HMGCS1: variants seen among roughly 807,000 people sequenced by gnomAD.
HMGCS1 encodes 3-hydroxy-3-methylglutaryl-CoA synthase 1.
A neutral mutation model predicts 52.3 loss-of-function variants in HMGCS1; 9 were observed. The ratio of observed to expected loss-of-function variants is 0.17; its 90% confidence interval spans 0.10 to 0.30. The LOEUF (loss-of-function observed/expected upper bound fraction) is 0.30, where lower values mean the gene tolerates loss of function less well. Ranked by LOEUF, HMGCS1 falls within the 10% of genes least tolerant of loss-of-function variation. HMGCS1 has a pLI of 1.00. For synonymous variants in HMGCS1, 176 were observed against 214.4 expected (o/e 0.82, Z 1.57); for missense variants, 320 against 620.9 (o/e 0.52, Z 5.15).
chr5:43,298,496 G>A lies in HMGCS1; in HGVS notation c.448+22C>T, dbSNP rs200784794. ...TTAGAAAAAAATTTTGGGGGACGGCGGGGAATAGGCATGTAACATACCATC... is the reference window on the plus strand; with the variant it reads ...TTAGAAAAAAATTTTGGGGGACGGCAGGGAATAGGCATGTAACATACCATC... On this transcript the variant is annotated intron_variant, in intron 3 of 10. Coordinates refer to ENST00000325110, the MANE Select transcript of HMGCS1 (RefSeq NM_001098272.3). The surrounding 1 kb of genome is among the most constrained non-coding windows in gnomAD (Gnocchi z 5.6). 39 of 1,578,860 alleles carry A rather than the reference G, an allele frequency of 2.5e-5. 1 individual carries two copies. Among genetic ancestry groups the A allele is most frequent in the African/African-American group, 1.8e-4 (13 of 73,698 alleles).
In HMGCS1 at chr5:43,292,463, C is replaced by CT; in HGVS notation, c.1473+10dup. 3 of 1,611,846 alleles carry CT rather than the reference C, an allele frequency of 1.9e-6. No individual in the cohort carries two copies. Among genetic ancestry groups the CT allele is most frequent in the Non-Finnish European group, 2.5e-6 (3 of 1,178,218 alleles). ...ACCCTAAGATATGGAGATGGGAACT[C>CT]TTTTATTTACCTCAGTTGCTATGTT... On this transcript the variant is annotated intron_variant, in intron 10 of 10. Transcript: ENST00000325110.
At chr5:43,291,325 T>C (rs1046477691) in intron 10 of HMGCS1, 105 bp from the exon 11 acceptor site, 5 of 736,844 alleles carry the variant, frequency 6.8e-6, no homozygotes, top group Non-Finnish European at 9.8e-6. Flanking sequence ...AGGACAACTC[T>C]GGAGAAGTTT....
intron 8 of HMGCS1, 21 bp from the exon 9 acceptor site, chr5:43,292,994 A>G (rs755936376): frequency 6.4e-7 from 1 of 1,558,554 alleles, no homozygotes. Context: ...GAATAATTCA[A>G]CATTAAAAGA....
intron 8 of HMGCS1, among the ~76,000 whole-genome samples, chr5:43,293,543 T>C (rs1753881873): frequency 6.8e-6 from 1 of 146,644 alleles, no homozygotes; most frequent in African/African-American, 2.6e-5. Flanking sequence ...CTATCCTTTA[T>C]CCAGATAAGG....
At chr5:43,299,292 A>G (rs149203016) in intron 2 of HMGCS1, among the ~76,000 whole-genome samples, 9 of 152,344 alleles carry the variant, frequency 5.9e-5, no homozygotes, top group Admixed American at 3.9e-4. Flanking sequence ...GAACTGTAAG[A>G]TAAAATACAA....
chr5:43,291,307 C>T (rs1753755143), intron 10 of HMGCS1, 87 bp from the exon 11 acceptor site: 1 of 832,888 alleles, frequency 1.2e-6, no homozygotes, highest in Non-Finnish European at 2.1e-6. Flanking sequence ...TGTAAAGAAA[C>T]TTAATAAAGG....
chr5:43,291,079 A>ACCCCCACCCCCAGCCC lies in HMGCS1; in HGVS notation c.*51_*52insGGGCTGGGGGTGGGGG. On this transcript the variant is annotated 3_prime_UTR_variant, in exon 11 of 11. Transcript: ENST00000325110. ...ATCCCATTCCTCCAACTGTTCCCAT[A>ACCCCCACCCCCAGCCC]CCCCCACCCCATGCCCACCCCACCC... 9.0e-6 allele frequency: 7 copies of ACCCCCACCCCCAGCCC among 780,068 alleles called. No individual in the cohort carries two copies. Among genetic ancestry groups the ACCCCCACCCCCAGCCC allele is most frequent in the Non-Finnish European group, 1.6e-5 (7 of 430,594 alleles). 48.3% of individuals were successfully genotyped at this position (780,068 alleles called of 1,614,324 possible). A position where few individuals can be genotyped will look rare whatever the true frequency, so the allele number is the denominator to read the frequency against.
chr5:43,305,230 C>T (rs1754508282), intron 2 of HMGCS1, among the ~76,000 whole-genome samples: 1 of 152,098 alleles, frequency 6.6e-6, no homozygotes, highest in Admixed American at 6.5e-5. Flanking sequence ...AAGTGATCCA[C>T]CCGCCTCGGC....
intron 2 of HMGCS1, among the ~76,000 whole-genome samples, chr5:43,302,761 T>C (rs1364341493): frequency 1.3e-5 from 2 of 152,224 alleles, no homozygotes; most frequent in Admixed American, 1.3e-4. Context: ...GCAGTCAAAG[T>C]AGGCTGGCTT....
At chr5:43,312,616 A>G (rs1754925557) in intron 1 of HMGCS1, among the ~76,000 whole-genome samples, 1 of 152,168 alleles carries the variant, frequency 6.6e-6, no homozygotes, top group Non-Finnish European at 1.5e-5. Context: ...GTATCACCTA[A>G]AGCTGGTCCC....
intron 2 of HMGCS1, among the ~76,000 whole-genome samples, chr5:43,301,688 T>A (rs1754325750): frequency 6.6e-6 from 1 of 152,204 alleles, no homozygotes; most frequent in African/African-American, 2.4e-5. Context: ...TCACTGGTGC[T>A]GTGAATGGAT....
At chr5:43,294,512 G>C in intron 7 of HMGCS1, 179 bp downstream of exon 7, 1 of 510,352 alleles carries the variant, frequency 2.0e-6, no homozygotes, top group South Asian at 3.3e-5. Context: ...AAATACTTCT[G>C]GAAGAACTGT....
At chr5:43,312,373 C>T (rs1172796723) in intron 1 of HMGCS1, among the ~76,000 whole-genome samples, 1 of 152,206 alleles carries the variant, frequency 6.6e-6, no homozygotes. Flanking sequence ...GTGAAAGCAG[C>T]TACTGATGCC....
chr5:43,299,102 T>G, intron 2 of HMGCS1, 127 bp from the exon 3 acceptor site: 1 of 645,666 alleles, frequency 1.5e-6, no homozygotes, highest in Admixed American at 3.0e-5. Flanking sequence ...TTAAGTTTAG[T>G]ATTTAGGGCA....
chr5:43,293,578 T>C (rs1349077026), intron 8 of HMGCS1, among the ~76,000 whole-genome samples: 3 of 149,150 alleles, frequency 2.0e-5, no homozygotes, highest in East Asian at 3.9e-4. Context: ...TTTTTTTGGA[T>C]AGATTTTTAG....
At chr5:43,309,068 A>G (rs1250586163) in intron 1 of HMGCS1, among the ~76,000 whole-genome samples, 1 of 152,040 alleles carries the variant, frequency 6.6e-6, no homozygotes, top group East Asian at 1.9e-4. Flanking sequence ...CAGACCACAG[A>G]GACCAGTTCT....
At chr5:43,302,365 TCAA>T (rs976224411) in intron 2 of HMGCS1, among the ~76,000 whole-genome samples, 2 of 152,224 alleles carry the variant, frequency 1.3e-5, no homozygotes, top group African/African-American at 4.8e-5. Context: ...AGTGCTTTCT[TCAA>T]CAACCCACCT....
At position 43,288,221 on chromosome 5, in the gene HMGCS1, C is replaced by T. The variant is rs565206314; in HGVS notation, c.*2910G>A. On this transcript the variant is annotated 3_prime_UTR_variant, in exon 11 of 11. Coordinates refer to ENST00000325110, the MANE Select transcript of HMGCS1 (RefSeq NM_001098272.3). ...GAGGATTTCTAATCATAATCTTCAG[C>T]ATCAAATTACTGCCTTTATAACATA... 25 of 152,282 alleles carry T rather than the reference C, an allele frequency of 1.6e-4. No individual in the cohort carries two copies. Among genetic ancestry groups the T allele is most frequent in the African/African-American group, 6.0e-4 (25 of 41,572 alleles). 9.4% of individuals were successfully genotyped at this position (152,282 alleles called of 1,614,324 possible).
rs747933893 is a variant in HMGCS1, at chr5:43,297,021, G to A, written c.720C>T (p.Ile240=). 5.0e-6 allele frequency: 8 copies of A among 1,613,632 alleles called. No homozygotes were observed. The highest frequency in any genetic ancestry group is 1.3e-5 in the African/African-American group (1 of 74,916). Residue 240 remains isoleucine (I), a synonymous_variant, in exon 5 of 11, where the codon ATC becomes ATT. Coordinates refer to ENST00000325110, the MANE Select transcript of HMGCS1 (RefSeq NM_001098272.3). ...DRCYSVYCKK[I]HAQWQKEGND... ...ACTTACCTTTCTGCCACTGGGCATG[G>A]ATCTTTTTGCAGTAGACAGAATAGC...
Sources: allele counts gnomAD v4.1 joint callset (sites outside exome capture counted in the v4.1 genomes callset), GRCh38; gene constraint gnomAD v4.1.1; non-coding constraint Gnocchi (gnomAD v3.1); transcripts MANE v1.5; gene names NCBI Gene and HGNC (gene_info 2026-07-23, HGNC 2026-07-21).